Variants in LHX2 observed in about 807,000 individuals in gnomAD.
LHX2 encodes LIM/homeobox protein Lhx2.
Under a neutral mutation model 33.0 loss-of-function variants are expected in LHX2, and 6 were observed. The ratio of observed to expected loss-of-function variants is 0.18; its 90% CI spans 0.10 to 0.36. LHX2 has a LOEUF of 0.36. LHX2 is among the 10% of genes least tolerant of loss of function. The pLI is 1.00. For synonymous variants in LHX2, 292 were observed against 253.1 expected, an observed-to-expected ratio of 1.15 and a Z score of -1.46; for missense variants, 442 against 586.2, an observed-to-expected ratio of 0.75 and a Z score of 2.54.
rs1459335330 is a variant in LHX2, at chr9:124,012,366, G to A, written c.18G>A (p.Leu6=). Reference sequence around the variant, plus strand: ...CCGCCGCGATGCTGTTCCACAGTCTGTCGGGCCCCGAGGTGCACGGGGTCA... The same window carrying A: ...CCGCCGCGATGCTGTTCCACAGTCTATCGGGCCCCGAGGTGCACGGGGTCA... MLFHS[L]SGPEVHGVID... Residue 6 remains leucine (L), a synonymous_variant, in exon 1 of 5, where the codon CTG becomes CTA. Transcript: ENST00000373615. The surrounding 1 kb of genome is among the most constrained non-coding windows in gnomAD (Gnocchi z 4.3). 3 of 1,523,364 alleles carry A rather than the reference G, an allele frequency of 2.0e-6. No individual in the cohort carries two copies. Among genetic ancestry groups the A allele is most frequent in the Non-Finnish European group, 2.6e-6 (3 of 1,140,114 alleles). The allele number at this position is 1,523,364 out of a possible 1,614,324, so 94.4% of individuals were successfully genotyped here. A position where few individuals can be genotyped will look rare whatever the true frequency, so the allele number is the denominator to read the frequency against.
At position 124,021,084 on chromosome 9, in the gene LHX2, G is replaced by C; in HGVS notation, c.728-15G>C. 2 of 1,613,390 alleles carry C rather than the reference G, an allele frequency of 1.2e-6. No homozygotes were observed. Among genetic ancestry groups the C allele is most frequent in the Non-Finnish European group, 1.7e-6 (2 of 1,179,578 alleles). ...GTCAGGAAGTTCACCCACCGGCTCT[G>C]TGTCTCCTCCCTAGCGCTAAGCTGC... is the stretch of plus-strand genomic sequence containing the variant. On this transcript the variant is annotated splice_polypyrimidine_tract_variant and intron_variant, in intron 3 of 4. Coordinates refer to ENST00000373615, the MANE Select transcript of LHX2 (RefSeq NM_004789.4).
intron 3 of LHX2, among the ~76,000 whole-genome samples, chr9:124,019,198 T>A (rs1157675216): frequency 1.3e-5 from 2 of 152,040 alleles, no homozygotes. Flanking sequence ...GCCCCGGGGG[T>A]GAGGGGACCT....
At chr9:124,020,719 A>G (rs1299862518) in intron 3 of LHX2, among the ~76,000 whole-genome samples, 1 of 152,192 alleles carries the variant, frequency 6.6e-6, no homozygotes, top group Non-Finnish European at 1.5e-5. Flanking sequence ...TAAGTACCTA[A>G]AGAAAATGTG....
chr9:124,025,297 C>T lies in LHX2; in HGVS notation c.933+3993C>T, dbSNP rs563395301. Among the ~76,000 whole-genome samples the T allele has an allele frequency of 2.6e-5, 4 of 152,122 alleles. No individual in the cohort carries two copies. The South Asian group carries it at 8.3e-4, about 32-fold the overall frequency. ...CTCTACTAAAAATACAAAAATTAGC[C>T]GGGCGTGGTGGCATGTGCCTGTAGT... On this transcript the variant is annotated intron_variant, in intron 4 of 4. Coordinates refer to ENST00000373615, the MANE Select transcript of LHX2 (RefSeq NM_004789.4).
Position 124,016,652 on chromosome 9 carries a change from G to A in LHX2, c.727+1127G>A, listed in dbSNP as rs1448700834. ...GAGTTGAATAGAGAGGGAAATGAGG[G>A]GCGGGTGTTCGCTCCAACGAAATCG... is the stretch of plus-strand genomic sequence containing the variant. On this transcript the variant is annotated intron_variant, in intron 3 of 4. Transcript: ENST00000373615. This position sits in a 1 kb window ranked among gnomAD's most constrained non-coding sequence, Gnocchi z 4.4. Among the ~76,000 whole-genome samples the A allele has an allele frequency of 4.6e-5, 7 of 152,314 alleles. No individual in the cohort carries two copies. Among genetic ancestry groups the A allele is most frequent in the African/African-American group, 1.7e-4 (7 of 41,586 alleles).
intron 3 of LHX2, among the ~76,000 whole-genome samples, chr9:124,019,806 G>A (rs1428610518): frequency 6.6e-6 from 1 of 152,222 alleles, no homozygotes; most frequent in Non-Finnish European, 1.5e-5. Flanking sequence ...CACCCCTTAT[G>A]AGGCTTACCC....
At chr9:124,018,662 G>T (rs751798118) in intron 3 of LHX2, among the ~76,000 whole-genome samples, 5 of 151,950 alleles carry the variant, frequency 3.3e-5, no homozygotes, top group African/African-American at 7.3e-5. Flanking sequence ...TCCGGGACTC[G>T]CTTTCCCCTC....
In LHX2 at chr9:124,014,987, C is replaced by A. The variant is rs1588345305; in HGVS notation, c.324-135C>A. ...TCAAAATCTAGTTCTCTCTCCCCCC[C>A]ATCCTCCAAATAAAGGCCGGGTTGT... On this transcript the variant is annotated intron_variant, in intron 2 of 4. Coordinates refer to ENST00000373615, the MANE Select transcript of LHX2 (RefSeq NM_004789.4). The surrounding 1 kb of genome is among the most constrained non-coding windows in gnomAD (Gnocchi z 4.8). 4.3e-6 allele frequency: 4 copies of A among 924,520 alleles called. No individual in the cohort carries two copies. The highest frequency in any genetic ancestry group is 2.6e-5 in the East Asian group (1 of 39,024). 57.3% of individuals were successfully genotyped at this position (924,520 alleles called of 1,614,324 possible). A position where few individuals can be genotyped will look rare whatever the true frequency, so the allele number is the denominator to read the frequency against.
intron 3 of LHX2, among the ~76,000 whole-genome samples, chr9:124,017,533 G>T (rs929569357): frequency 7.9e-5 from 12 of 152,200 alleles, no homozygotes; most frequent in Non-Finnish European, 1.6e-4. Flanking sequence ...ACCCTGGAGG[G>T]TGCGATCGCG....
chr9:124,013,990 C>G lies in LHX2; in HGVS notation c.150C>G (p.Ala50=), dbSNP rs569497533. ...TGCCGTCCATCAGCAGTGACCGCGC[C>G]GCGCTGTGCGCCGGCTGCGGGGGCA... ...TTMPSISSDR[A]ALCAGCGGKI... The change falls in exon 2 of 5, where the codon GCC becomes GCG. Residue 50 remains alanine (A), a synonymous_variant. Coordinates refer to ENST00000373615, the MANE Select transcript of LHX2 (RefSeq NM_004789.4). 3.7e-6 allele frequency: 6 copies of G among 1,613,250 alleles called. No individual in the cohort carries two copies. The highest frequency in any genetic ancestry group is 3.3e-5 in the South Asian group (3 of 91,068).
chr9:124,024,997 T>C (rs1564551542), intron 4 of LHX2, among the ~76,000 whole-genome samples: 1 of 152,066 alleles, frequency 6.6e-6, no homozygotes, highest in Non-Finnish European at 1.5e-5. Flanking sequence ...CATGTCTTGG[T>C]AGGGAAGCAG....
chr9:124,012,514 C>G lies in LHX2; in HGVS notation c.120+46C>G. The G allele has an allele frequency of 6.8e-7, 1 of 1,472,932 alleles. No homozygotes were observed. Among genetic ancestry groups the G allele is most frequent in the Non-Finnish European group, 9.0e-7 (1 of 1,114,340 alleles). 91.2% of individuals were successfully genotyped at this position (1,472,932 alleles called of 1,614,324 possible). A position where few individuals can be genotyped will look rare whatever the true frequency, so the allele number is the denominator to read the frequency against. ...TCGGGGCTGAGAGCTGGGATGGGGC[C>G]GGGCCAGTCAGCGCCTCTGCTCCCC... On this transcript the variant is annotated intron_variant, in intron 1 of 4. Transcript: ENST00000373615. The surrounding 1 kb of genome is among the most constrained non-coding windows in gnomAD (Gnocchi z 4.3).
intron 3 of LHX2, among the ~76,000 whole-genome samples, chr9:124,019,226 G>T (rs376512542): frequency 1.3e-5 from 2 of 152,200 alleles, no homozygotes; most frequent in Admixed American, 6.5e-5. Context: ...GGTGGAAAGA[G>T]GCCCCTAGGA....
At position 124,020,787 on chromosome 9, in the gene LHX2, C is replaced by CTGT. The variant is rs139541000; in HGVS notation, c.728-306_728-304dup. Among the ~76,000 whole-genome samples the CTGT allele has an allele frequency of 9.6e-3, 1,463 of 152,056 alleles. 21 individuals carry two copies. Among genetic ancestry groups the CTGT allele is most frequent in the African/African-American group, 0.034 (1,390 of 41,336 alleles). On this transcript the variant is annotated intron_variant, in intron 3 of 4. Transcript: ENST00000373615. ...TCAATCGGCCATCAACAAGTCGTAG[C>CTGT]TGTTGTTGCTGCTGCTGCTGCTGCT...
At chr9:124,018,547 C>T (rs1050908816) in intron 3 of LHX2, among the ~76,000 whole-genome samples, 3 of 152,208 alleles carry the variant, frequency 2.0e-5, no homozygotes, top group African/African-American at 7.2e-5. Flanking sequence ...CTCTACTCCC[C>T]CGCCAATAAC....
At chr9:124,027,808 A>G (rs1388007352) in intron 4 of LHX2, among the ~76,000 whole-genome samples, 4 of 151,806 alleles carry the variant, frequency 2.6e-5, no homozygotes, top group Admixed American at 6.6e-5. Context: ...ACAGAGCGAG[A>G]CTTCATCTCA....
At chr9:124,024,442 G>A (rs1828572419) in intron 4 of LHX2, among the ~76,000 whole-genome samples, 1 of 152,266 alleles carries the variant, frequency 6.6e-6, no homozygotes, top group Non-Finnish European at 1.5e-5. Flanking sequence ...GTTTGAGGCA[G>A]TTGGTAGTAT....
intron 4 of LHX2, among the ~76,000 whole-genome samples, chr9:124,030,756 C>T (rs535736894): frequency 6.9e-4 from 105 of 151,456 alleles, no homozygotes; most frequent in African/African-American, 2.4e-3. Context: ...CTCAGCCTCC[C>T]GAGTAGCTGA....
At chr9:124,025,131 G>A (rs528930337) in intron 4 of LHX2, among the ~76,000 whole-genome samples, 7 of 152,294 alleles carry the variant, frequency 4.6e-5, no homozygotes, top group South Asian at 2.1e-4. Flanking sequence ...CCCCTTAGAC[G>A]GAGGTCCTTT....
Sources: gnomAD v4.1 joint callset for allele counts (sites outside exome capture counted in the v4.1 genomes callset) on GRCh38, gnomAD v4.1.1 for gene constraint, Gnocchi (gnomAD v3.1) non-coding constraint, MANE v1.5 for transcripts, NCBI Gene and HGNC (gene_info 2026-07-23, HGNC 2026-07-21) for gene names.